The following RANBP2 variants were observed in gnomAD, a reference collection of about 807,000 sequenced individuals.
RANBP2 encodes E3 SUMO-protein ligase RanBP2.
A neutral mutation model predicts 303.6 loss-of-function variants in RANBP2; 57 were observed. The observed-to-expected ratio is 0.19, with a 90% confidence interval of 0.15 to 0.23. RANBP2 has a LOEUF of 0.23. RANBP2 is among the 10% of genes least tolerant of loss of function. The pLI is 1.00. For synonymous variants in RANBP2, 1,167 were observed against 1,301.5 expected, an observed-to-expected ratio of 0.90 and a Z score of 2.23; for missense variants, 3,138 against 3,780.8, an observed-to-expected ratio of 0.83 and a Z score of 4.46.
the RANBP2 span, among the ~76,000 whole-genome samples, chr2:109,170,651 A>G: frequency 1.3e-5 from 2 of 152,128 alleles, no homozygotes; most frequent in African/African-American, 4.8e-5. Context: ...TGCCTGGTCA[A>G]ACAGAATATT....
the RANBP2 span, among the ~76,000 whole-genome samples, chr2:109,640,318 G>T: frequency 2.6e-5 from 4 of 152,058 alleles, no homozygotes; most frequent in African/African-American, 7.2e-5. Flanking sequence ...CAGGCATGCT[G>T]GTGCATGCCT....
the RANBP2 span, among the ~76,000 whole-genome samples, chr2:109,762,097 TATG>T: frequency 1.4e-5 from 2 of 144,604 alleles, no homozygotes; most frequent in Admixed American, 7.2e-5. Context: ...TAAAAGATCC[TATG>T]ATGAGTAAGT....
chr2:109,195,377 C>T, the RANBP2 span, among the ~76,000 whole-genome samples: 1 of 152,244 alleles, frequency 6.6e-6, no homozygotes. Flanking sequence ...CCAAGCTTCC[C>T]TGCCCTCTGG....
the RANBP2 span, among the ~76,000 whole-genome samples, chr2:109,546,782 T>TA: frequency 6.6e-6 from 1 of 152,146 alleles, no homozygotes; most frequent in Admixed American, 6.5e-5. Context: ...GATCTAGGCT[T>TA]AAAAAAATCC....
chr2:109,487,881 G>C, the RANBP2 span, among the ~76,000 whole-genome samples: 1 of 152,126 alleles, frequency 6.6e-6, no homozygotes, highest in Non-Finnish European at 1.5e-5. Context: ...GCTAGGCGCT[G>C]GTGGGGATAC....
chr2:108,789,783 G>A (rs1467576898), downstream of RANBP2, among the ~76,000 whole-genome samples: 2 of 152,084 alleles, frequency 1.3e-5, no homozygotes, highest in African/African-American at 2.4e-5. Flanking sequence ...AGAAGTTGCC[G>A]TTCTGTAAGG....
chr2:108,946,311 G>A, the RANBP2 span, among the ~76,000 whole-genome samples: 6 of 152,188 alleles, frequency 3.9e-5, no homozygotes, highest in Non-Finnish European at 7.3e-5. Context: ...AGTAGCACCT[G>A]GGACAACACA....
the RANBP2 span, among the ~76,000 whole-genome samples, chr2:108,821,115 T>C: frequency 6.6e-6 from 1 of 152,190 alleles, no homozygotes; most frequent in Admixed American, 6.5e-5. Flanking sequence ...CCTAGCACTT[T>C]AGGAGGCTAA....
chr2:108,814,647 T>A, the RANBP2 span, among the ~76,000 whole-genome samples: 1 of 151,344 alleles, frequency 6.6e-6, no homozygotes, highest in Non-Finnish European at 1.5e-5. Flanking sequence ...TTTGTTTTTT[T>A]ATTTTTTAAT....
chr2:109,051,023 A>T, the RANBP2 span, among the ~76,000 whole-genome samples: 8 of 152,248 alleles, frequency 5.3e-5, no homozygotes, highest in African/African-American at 1.9e-4. Context: ...TTCTCCTGTC[A>T]TTGGTCTCTC....
the RANBP2 span, among the ~76,000 whole-genome samples, chr2:109,111,983 T>C: frequency 1.3e-5 from 2 of 152,152 alleles, no homozygotes; most frequent in Non-Finnish European, 2.9e-5. Context: ...TATGGCTGCA[T>C]AGTATTCCAT....
chr2:109,229,907 C>G, the RANBP2 span, among the ~76,000 whole-genome samples: 1 of 150,704 alleles, frequency 6.6e-6, no homozygotes, highest in Non-Finnish European at 1.5e-5. Context: ...TCACTGCAAG[C>G]TCTGCCTCCT....
the RANBP2 span, among the ~76,000 whole-genome samples, chr2:109,065,016 A>G: frequency 0.24 from 36,723 of 152,134 alleles, 4,852 homozygotes; most frequent in Middle Eastern, 0.32. Flanking sequence ...ATAGGGATTC[A>G]TTTAATGTCT....
chr2:109,374,821 C>T, the RANBP2 span, among the ~76,000 whole-genome samples: 2 of 152,246 alleles, frequency 1.3e-5, no homozygotes, highest in African/African-American at 2.4e-5. Flanking sequence ...GGACTCTCAC[C>T]TCGCCTGGCC....
At chr2:109,590,527 G>A in the RANBP2 span, among the ~76,000 whole-genome samples, 1 of 152,004 alleles carries the variant, frequency 6.6e-6, no homozygotes, top group South Asian at 2.1e-4. Flanking sequence ...TGCCTCCTGG[G>A]TTCAAATGAT....
the RANBP2 span, among the ~76,000 whole-genome samples, chr2:108,835,823 T>C: frequency 6.6e-6 from 1 of 152,238 alleles, no homozygotes; most frequent in Non-Finnish European, 1.5e-5. Context: ...CTGCACAATC[T>C]GTAAACAACA....
chr2:109,147,622 C>T, the RANBP2 span, among the ~76,000 whole-genome samples: 19 of 152,216 alleles, frequency 1.2e-4, no homozygotes, highest in Non-Finnish European at 2.1e-4. Flanking sequence ...AGCGTGTTAT[C>T]GATTCCCAGT....
the RANBP2 span, among the ~76,000 whole-genome samples, chr2:108,806,724 T>C: frequency 6.6e-6 from 1 of 152,236 alleles, no homozygotes; most frequent in Non-Finnish European, 1.5e-5. Context: ...ACATGTACTT[T>C]GAAATTGCTG....
chr2:108,911,666 T>C, the RANBP2 span, among the ~76,000 whole-genome samples: 2 of 152,200 alleles, frequency 1.3e-5, no homozygotes, highest in Admixed American at 1.3e-4. Context: ...ATGTCGACCC[T>C]GGATGCATAA....
Sources: allele counts gnomAD v4.1 joint callset (sites outside exome capture counted in the v4.1 genomes callset), GRCh38; gene constraint gnomAD v4.1.1; transcripts MANE v1.5; gene names NCBI Gene and HGNC (gene_info 2026-07-23, HGNC 2026-07-21).